Variants in PIK3C2G observed in about 807,000 individuals in gnomAD.
The protein encoded by PIK3C2G is phosphatidylinositol 3-kinase C2 domain-containing subunit gamma.
Under a neutral mutation model 181.1 loss-of-function variants are expected in PIK3C2G, and 168 were observed. The observed-to-expected ratio is 0.93, with a 90% CI of 0.82 to 1.05. PIK3C2G has a LOEUF of 1.05. Ranked by LOEUF, PIK3C2G falls within the 50% of genes least tolerant of loss-of-function variation. The pLI is 0.00. For synonymous variants in PIK3C2G, 573 were observed against 592.2 expected (o/e 0.97, Z 0.47); for missense variants, 1,869 against 1,732.8 (o/e 1.08, Z -1.40).
chr12:18,604,556 T>C (rs370385322), intron 30 of PIK3C2G, among the ~76,000 whole-genome samples: 8 of 152,100 alleles, frequency 5.3e-5, no homozygotes, highest in African/African-American at 1.7e-4. Context: ...TTAACAGATA[T>C]ATCTAGAACA....
intron 16 of PIK3C2G, among the ~76,000 whole-genome samples, chr12:18,413,399 A>G (rs1047615005): frequency 6.6e-6 from 1 of 152,174 alleles, no homozygotes; most frequent in African/African-American, 2.4e-5. Flanking sequence ...AGAATTGATT[A>G]TTGTACATGA....
chr12:18,481,809 A>G (rs985528414), intron 18 of PIK3C2G, among the ~76,000 whole-genome samples: 5 of 152,044 alleles, frequency 3.3e-5, no homozygotes, highest in African/African-American at 1.2e-4. Flanking sequence ...GGTTCCCCAA[A>G]ATTCTACTGC....
intron 15 of PIK3C2G, 86 bp from the exon 16 acceptor site, chr12:18,399,573 A>G (rs746453538): frequency 8.7e-6 from 6 of 690,470 alleles, no homozygotes; most frequent in Non-Finnish European, 9.2e-6. Context: ...AAAGAACTAC[A>G]GTAAGGTTTT....
At chr12:18,515,004 T>C (rs971415806) in intron 24 of PIK3C2G, among the ~76,000 whole-genome samples, 1 of 152,064 alleles carries the variant, frequency 6.6e-6, no homozygotes, top group African/African-American at 2.4e-5. Flanking sequence ...AATTATATGA[T>C]TTGTGTCCTT....
chr12:18,290,619 T>C (rs1449918160), intron 3 of PIK3C2G, among the ~76,000 whole-genome samples: 2 of 152,194 alleles, frequency 1.3e-5, no homozygotes, highest in African/African-American at 4.8e-5. Flanking sequence ...GAGATGCTCC[T>C]GGGAAAGCCT....
chr12:18,701,442 A>G, the PIK3C2G span: 4 of 1,607,710 alleles, frequency 2.5e-6, no homozygotes, highest in Non-Finnish European at 2.5e-6. Flanking sequence ...AAAATCTCCA[A>G]GAATAAAATT....
At chr12:18,351,971 T>C (rs571501600) in intron 11 of PIK3C2G, among the ~76,000 whole-genome samples, 160 of 152,310 alleles carry the variant, frequency 1.1e-3, no homozygotes, top group Middle Eastern at 3.4e-3. Context: ...TTTGTGCAAG[T>C]ACACTCTGGG....
At chr12:18,381,534 T>C (rs927720595) in intron 13 of PIK3C2G, among the ~76,000 whole-genome samples, 1 of 152,198 alleles carries the variant, frequency 6.6e-6, no homozygotes, top group Admixed American at 6.5e-5. Context: ...AATTTTCTCA[T>C]GTGCAAAATA....
At chr12:18,452,734 T>G (rs1947431094) in intron 18 of PIK3C2G, among the ~76,000 whole-genome samples, 1 of 152,202 alleles carries the variant, frequency 6.6e-6, no homozygotes, top group South Asian at 2.1e-4. Flanking sequence ...AACACTGCTT[T>G]AGCTGTGTCT....
At chr12:18,686,966 T>C in the PIK3C2G span, among the ~76,000 whole-genome samples, 1 of 151,994 alleles carries the variant, frequency 6.6e-6, no homozygotes, top group African/African-American at 2.4e-5. Flanking sequence ...TAAATTAAGT[T>C]TCTAAGCATT....
intron 16 of PIK3C2G, among the ~76,000 whole-genome samples, chr12:18,420,685 A>T (rs1264400107): frequency 6.6e-6 from 1 of 152,140 alleles, no homozygotes; most frequent in Non-Finnish European, 1.5e-5. Flanking sequence ...TTTTATAGAT[A>T]AGAAAGCCGG....
At chr12:18,430,783 T>C (rs1946110237) in intron 18 of PIK3C2G, among the ~76,000 whole-genome samples, 1 of 152,072 alleles carries the variant, frequency 6.6e-6, no homozygotes, top group Non-Finnish European at 1.5e-5. Context: ...AGACAGGAGT[T>C]AGGGCCTAAG....
intron 15 of PIK3C2G, among the ~76,000 whole-genome samples, chr12:18,396,926 C>A (rs1237373104): frequency 1.3e-5 from 2 of 151,714 alleles, no homozygotes; most frequent in East Asian, 3.9e-4. Context: ...AAGCTGACTC[C>A]AATATTTATG....
At position 18,286,924 on chromosome 12, in the gene PIK3C2G, A is replaced by T. The variant is rs888370828; in HGVS notation, c.756A>T (p.Val252=). Residue 252 remains valine, a synonymous_variant, in exon 3 of 33, where the codon GTA becomes GTT. Coordinates refer to ENST00000538779, the MANE Select transcript of PIK3C2G (RefSeq NM_001288772.2). ...GTCTGGCCTCTTTTTGCAACAAAGT[A>T]AAAAAGTGAGTACTGGTATTTCATT... ...NTSLASFCNK[V]KKIRERYHAA... 5.2e-6 allele frequency: 8 copies of T among 1,535,536 alleles called. No homozygotes were observed. The highest frequency in any genetic ancestry group is 6.2e-6 in the Non-Finnish European group (7 of 1,135,046).
At chr12:18,317,483 C>T (rs1289946133) in intron 6 of PIK3C2G, among the ~76,000 whole-genome samples, 1 of 151,998 alleles carries the variant, frequency 6.6e-6, no homozygotes, top group Non-Finnish European at 1.5e-5. Flanking sequence ...TGTTACATGC[C>T]GTTCATAGTA....
chr12:18,471,088 CCAGAGTCACCCT>C (rs1447354276), intron 18 of PIK3C2G, among the ~76,000 whole-genome samples: 1 of 152,024 alleles, frequency 6.6e-6, no homozygotes, highest in Non-Finnish European at 1.5e-5. Context: ...CTCCAATGTA[CCAGAGTCACCCT>C]CAGCAATGCA....
intron 18 of PIK3C2G, among the ~76,000 whole-genome samples, chr12:18,434,282 G>A (rs1445349759): frequency 6.6e-6 from 1 of 152,100 alleles, no homozygotes; most frequent in African/African-American, 2.4e-5. Context: ...TCTTCCATTA[G>A]ACCCCCACCT....
intron 6 of PIK3C2G, among the ~76,000 whole-genome samples, chr12:18,316,695 A>G (rs1950876808): frequency 6.6e-6 from 1 of 151,982 alleles, no homozygotes. Flanking sequence ...GCGCTACTGC[A>G]CTCCAGCCTG....
At chr12:18,556,319 A>G (rs1945010999) in intron 26 of PIK3C2G, among the ~76,000 whole-genome samples, 1 of 152,140 alleles carries the variant, frequency 6.6e-6, no homozygotes, top group Non-Finnish European at 1.5e-5. Context: ...GTCCAATTAC[A>G]GTTAACAGCA....
Sources: gnomAD v4.1 joint callset for allele counts (sites outside exome capture counted in the v4.1 genomes callset) on GRCh38, gnomAD v4.1.1 for gene constraint, MANE v1.5 for transcripts, NCBI Gene and HGNC (gene_info 2026-07-23, HGNC 2026-07-21) for gene names.